Variants in ZRANB3 observed in about 807,000 individuals in gnomAD.
ZRANB3 encodes zinc finger RANBP2-type containing 3.
Under a neutral mutation model 133.8 loss-of-function variants are expected in ZRANB3, and 125 were observed. The observed-to-expected ratio is 0.93, with a 90% confidence interval of 0.81 to 1.08. ZRANB3 has a LOEUF of 1.08. Among genes scored for constraint, ZRANB3 ranks in the 50% least tolerant of loss-of-function variants. The probability of loss-of-function intolerance (pLI) is 0.00; values close to 1 mark genes in which losing one functional copy is unlikely to be tolerated. For synonymous variants in ZRANB3, 387 were observed against 432.7 expected (o/e 0.89, Z 1.31); for missense variants, 1,229 against 1,275.5 (o/e 0.96, Z 0.56).
At chr2:135,509,213 T>A (rs1693333671) in intron 1 of ZRANB3, among the ~76,000 whole-genome samples, 1 of 152,166 alleles carries the variant, frequency 6.6e-6, no homozygotes, top group African/African-American at 2.4e-5. Flanking sequence ...AGTCCATTAT[T>A]AAAGTCACAT....
intron 7 of ZRANB3, among the ~76,000 whole-genome samples, chr2:135,313,950 C>T (rs1016726586): frequency 2.6e-5 from 4 of 152,060 alleles, no homozygotes; most frequent in Admixed American, 6.6e-5. Context: ...CTGCAACCTC[C>T]GCCTCCCGGG....
chr2:135,487,047 C>A (rs1020423055), intron 2 of ZRANB3, among the ~76,000 whole-genome samples: 8 of 152,126 alleles, frequency 5.3e-5, no homozygotes, highest in African/African-American at 1.9e-4. Flanking sequence ...AATATTAAGA[C>A]CTGAAAGTCA....
intron 2 of ZRANB3, among the ~76,000 whole-genome samples, chr2:135,478,861 CAT>C (rs899293173): frequency 6.6e-6 from 1 of 151,478 alleles, no homozygotes; most frequent in Non-Finnish European, 1.5e-5. Flanking sequence ...GTACTTAATA[CAT>C]GTTTATGTAT....
chr2:135,203,802 A>G (rs951291584), intron 19 of ZRANB3, among the ~76,000 whole-genome samples: 1 of 152,186 alleles, frequency 6.6e-6, no homozygotes, highest in African/African-American at 2.4e-5. Flanking sequence ...AAATTTCTAG[A>G]ACAAATATCT....
intron 5 of ZRANB3, among the ~76,000 whole-genome samples, chr2:135,346,140 A>G (rs1366643560): frequency 6.6e-6 from 1 of 152,238 alleles, no homozygotes; most frequent in Non-Finnish European, 1.5e-5. Flanking sequence ...TCTGTCGCCC[A>G]GGCTGGAGTG....
chr2:135,488,863 G>A (rs971057274), intron 2 of ZRANB3, among the ~76,000 whole-genome samples: 2 of 149,856 alleles, frequency 1.3e-5, no homozygotes, highest in Non-Finnish European at 2.9e-5. Context: ...TAGCATATAT[G>A]TTTTATTATA....
intron 6 of ZRANB3, among the ~76,000 whole-genome samples, chr2:135,333,474 C>T (rs111928382): frequency 8.1e-4 from 124 of 152,230 alleles, no homozygotes; most frequent in African/African-American, 2.7e-3. Flanking sequence ...TACATACAGT[C>T]GCCTATAGGG....
At chr2:135,294,217 T>C (rs1264022850) in intron 8 of ZRANB3, among the ~76,000 whole-genome samples, 1 of 152,206 alleles carries the variant, frequency 6.6e-6, no homozygotes, top group African/African-American at 2.4e-5. Flanking sequence ...TATGAATCCA[T>C]CTGGTCCTGG....
chr2:135,205,248 CTT>C (rs1216181168), intron 19 of ZRANB3, among the ~76,000 whole-genome samples: 2 of 152,122 alleles, frequency 1.3e-5, no homozygotes, highest in Non-Finnish European at 2.9e-5. Flanking sequence ...AGGGGTGATT[CTT>C]TTTAAATTAA....
intron 2 of ZRANB3, among the ~76,000 whole-genome samples, chr2:135,491,612 C>G (rs1302471623): frequency 6.6e-6 from 1 of 152,122 alleles, no homozygotes; most frequent in Non-Finnish European, 1.5e-5. Flanking sequence ...CTCCCTGGTT[C>G]AAGCAATTCC....
At chr2:135,481,665 G>C (rs1691817701) in intron 2 of ZRANB3, among the ~76,000 whole-genome samples, 1 of 150,466 alleles carries the variant, frequency 6.6e-6, no homozygotes, top group East Asian at 2.0e-4. Context: ...ATTGCTTTTG[G>C]TGTTTTAGAC....
At chr2:135,375,667 A>G (rs1686394026) in intron 3 of ZRANB3, among the ~76,000 whole-genome samples, 1 of 150,832 alleles carries the variant, frequency 6.6e-6, no homozygotes, top group Non-Finnish European at 1.5e-5. Flanking sequence ...CCTGGGCGAC[A>G]GAGCGAGACT....
chr2:135,244,608 A>AAAAT (rs144505977), intron 12 of ZRANB3, among the ~76,000 whole-genome samples: 13,462 of 150,932 alleles, frequency 0.089, 1,081 homozygotes, highest in African/African-American at 0.21. Context: ...CTCCATCTCA[A>AAAAT]AAATAAATAA....
At chr2:135,429,318 T>C (rs879091197) in intron 2 of ZRANB3, among the ~76,000 whole-genome samples, 1 of 152,050 alleles carries the variant, frequency 6.6e-6, no homozygotes, top group Admixed American at 6.5e-5. Context: ...CACTTATCAA[T>C]GGGAGCTTAT....
In ZRANB3 at chr2:135,326,414, G is replaced by A. The variant is rs183518351; in HGVS notation, c.678-10884C>T. Among the ~76,000 whole-genome samples, 2 of 152,006 alleles carry A rather than the reference G, an allele frequency of 1.3e-5. 1 individual carries two copies. The highest frequency in any genetic ancestry group is 1.3e-4 in the Admixed American group (2 of 15,272). ...AATGCAATTAATTTTAATTTTTAAG[G>A]TATAATAATGGTATTATAATTAATT... On this transcript the variant is annotated intron_variant, in intron 6 of 20. Coordinates refer to ENST00000264159, the MANE Select transcript of ZRANB3 (RefSeq NM_032143.4).
chr2:135,398,613 G>A (rs1002004534), intron 2 of ZRANB3, among the ~76,000 whole-genome samples: 10 of 148,554 alleles, frequency 6.7e-5, no homozygotes, highest in African/African-American at 2.6e-4. Flanking sequence ...CCGCCTCCTG[G>A]GTTTACGCCA....
At chr2:135,284,878 T>C (rs190486959) in intron 8 of ZRANB3, among the ~76,000 whole-genome samples, 1 of 151,192 alleles carries the variant, frequency 6.6e-6, no homozygotes, top group Non-Finnish European at 1.5e-5. Flanking sequence ...AGAGTTTTGC[T>C]CTTGTTGCCT....
chr2:135,256,180 A>G (rs1679645092), intron 12 of ZRANB3, among the ~76,000 whole-genome samples: 2 of 152,028 alleles, frequency 1.3e-5, no homozygotes, highest in African/African-American at 2.4e-5. Flanking sequence ...TGAATCTCTT[A>G]GCAAGTACTA....
intron 1 of ZRANB3, among the ~76,000 whole-genome samples, chr2:135,530,168 C>G (rs1451891240): frequency 6.6e-6 from 1 of 150,776 alleles, no homozygotes; most frequent in Non-Finnish European, 1.5e-5. Flanking sequence ...CAAGATCCCA[C>G]CACTGCACTC....
Sources: gnomAD v4.1 joint callset for allele counts (sites outside exome capture counted in the v4.1 genomes callset) on GRCh38, gnomAD v4.1.1 for gene constraint, MANE v1.5 for transcripts, NCBI Gene and HGNC (gene_info 2026-07-23, HGNC 2026-07-21) for gene names.